The following BCHE variants were observed in gnomAD, a reference collection of about 807,000 sequenced individuals.
The protein encoded by BCHE is cholinesterase.
BCHE carries 48 observed loss-of-function variants against 51.3 expected under a neutral mutation model. The ratio of observed to expected loss-of-function variants is 0.94; its 90% CI spans 0.74 to 1.19. BCHE has a LOEUF of 1.19. Ranked by LOEUF, BCHE falls within the 50% of genes most tolerant of loss-of-function variation. The pLI, the probability that BCHE is intolerant of heterozygous loss-of-function variation, is 0.00. For missense variants in BCHE, 847 were observed against 708.2 expected, an observed-to-expected ratio of 1.20 and a Z score of -2.23; for synonymous variants, 251 against 238.0, an observed-to-expected ratio of 1.05 and a Z score of -0.50.
intron 1 of BCHE, 22 bp from the exon 2 acceptor site, chr3:165,831,063 T>C (rs1266810814): frequency 5.1e-6 from 8 of 1,576,904 alleles, no homozygotes; most frequent in Admixed American, 3.4e-5. Context: ...GTAAGTATAA[T>C]GTTTTATAAG....
At chr3:165,793,215 T>G (rs918643454) in intron 2 of BCHE, among the ~76,000 whole-genome samples, 1 of 152,164 alleles carries the variant, frequency 6.6e-6, no homozygotes, top group Admixed American at 6.5e-5. Flanking sequence ...TGTTACTCAA[T>G]TTACAAATTT....
intron 3 of BCHE, among the ~76,000 whole-genome samples, chr3:165,784,824 A>G (rs1712880564): frequency 6.6e-6 from 1 of 151,852 alleles, no homozygotes; most frequent in African/African-American, 2.4e-5. Flanking sequence ...ACCCTCTCAT[A>G]TAAAAATATT....
chr3:165,802,998 C>A (rs577814597), intron 2 of BCHE, among the ~76,000 whole-genome samples: 37 of 152,150 alleles, frequency 2.4e-4, no homozygotes, highest in African/African-American at 7.2e-4. Flanking sequence ...GCCTGCCTCC[C>A]AAAGTGCTGG....
At chr3:165,812,329 C>A (rs1223205383) in intron 2 of BCHE, among the ~76,000 whole-genome samples, 1 of 148,328 alleles carries the variant, frequency 6.7e-6, no homozygotes, top group Non-Finnish European at 1.5e-5. Context: ...TGTATTTTAT[C>A]AAATCTTTAT....
At chr3:165,803,459 T>A (rs1713745983) in intron 2 of BCHE, among the ~76,000 whole-genome samples, 1 of 152,196 alleles carries the variant, frequency 6.6e-6, no homozygotes, top group Non-Finnish European at 1.5e-5. Flanking sequence ...AGTCATATTC[T>A]TACTGAGCCA....
At chr3:165,810,199 C>G (rs1337611445) in intron 2 of BCHE, among the ~76,000 whole-genome samples, 2 of 152,092 alleles carry the variant, frequency 1.3e-5, no homozygotes, top group African/African-American at 4.8e-5. Context: ...TATCTGATAA[C>G]AAGTGTTAGT....
rs1315434856 is a variant in BCHE at position 165,830,112 on chromosome 3, C to A, written c.922G>T (p.Val308Phe). 4 of 1,613,832 alleles carry A rather than the reference C, an allele frequency of 2.5e-6. No individual in the cohort carries two copies. Among genetic ancestry groups the A allele is most frequent in the Non-Finnish European group, 3.4e-6 (4 of 1,179,898 alleles). Residue 308 changes from valine to phenylalanine, a missense_variant, in exon 2 of 4, where the codon GTC becomes TTC. Transcript: ENST00000264381. ...QEILLNEAFV[V>F]PYGTPLSVNF... is the part of the protein sequence containing the mutation. ...ACTGACAAAGGAGTCCCATAGGGGACAACAAATGCTTCATTCAGAAGAATT... is the reference window on the plus strand; with the variant it reads ...ACTGACAAAGGAGTCCCATAGGGGAAAACAAATGCTTCATTCAGAAGAATT...
chr3:165,828,411 A>G (rs1714810842), intron 2 of BCHE, among the ~76,000 whole-genome samples: 1 of 152,150 alleles, frequency 6.6e-6, no homozygotes, highest in Non-Finnish European at 1.5e-5. Context: ...AACTTTATCC[A>G]CAGTGAATAA....
At chr3:165,807,973 G>GT (rs200905474) in intron 2 of BCHE, among the ~76,000 whole-genome samples, 1,658 of 150,096 alleles carry the variant, frequency 0.011, 48 homozygotes, top group Admixed American at 0.07. Context: ...ATTGTTGCTT[G>GT]TTTTTTTTTG....
At chr3:165,799,208 T>G (rs1281992004) in intron 2 of BCHE, among the ~76,000 whole-genome samples, 5 of 152,200 alleles carry the variant, frequency 3.3e-5, no homozygotes. Context: ...AGCGTTGTGT[T>G]TCCTTCCAAA....
intron 3 of BCHE, among the ~76,000 whole-genome samples, chr3:165,783,981 C>T (rs2108200709): frequency 6.6e-6 from 1 of 152,040 alleles, no homozygotes; most frequent in African/African-American, 2.4e-5. Flanking sequence ...TATTTGAGAA[C>T]ATTTATTGCT....
chr3:165,823,217 T>G (rs773499331), intron 2 of BCHE, among the ~76,000 whole-genome samples: 1 of 152,138 alleles, frequency 6.6e-6, no homozygotes, highest in Non-Finnish European at 1.5e-5. Flanking sequence ...TAGCTCAAAA[T>G]AACCTTTAAT....
intron 2 of BCHE, among the ~76,000 whole-genome samples, chr3:165,794,682 T>C (rs1713302712): frequency 6.6e-6 from 1 of 152,246 alleles, no homozygotes; most frequent in African/African-American, 2.4e-5. Context: ...TACCATCACA[T>C]TGGGAGTTAG....
At chr3:165,815,885 G>C (rs1047950840) in intron 2 of BCHE, among the ~76,000 whole-genome samples, 8 of 151,842 alleles carry the variant, frequency 5.3e-5, no homozygotes, top group African/African-American at 1.9e-4. Context: ...CTTATACCAG[G>C]TTGCTTATGA....
At chr3:165,822,654 A>G (rs2108229518) in intron 2 of BCHE, among the ~76,000 whole-genome samples, 1 of 152,196 alleles carries the variant, frequency 6.6e-6, no homozygotes, top group South Asian at 2.1e-4. Context: ...GAGATTTTAC[A>G]CTGAAGAAGC....
At chr3:165,807,521 T>G (rs1447547639) in intron 2 of BCHE, among the ~76,000 whole-genome samples, 1 of 147,418 alleles carries the variant, frequency 6.8e-6, no homozygotes, top group Non-Finnish European at 1.5e-5. Context: ...TTATGAGATT[T>G]ATTTATTTAT....
chr3:165,835,980 T>C (rs537109998), intron 1 of BCHE, among the ~76,000 whole-genome samples: 1 of 152,016 alleles, frequency 6.6e-6, no homozygotes, highest in Non-Finnish European at 1.5e-5. Flanking sequence ...AATGTAAATA[T>C]ATATTATACT....
chr3:165,821,557 G>T, intron 2 of BCHE, among the ~76,000 whole-genome samples: 1 of 151,768 alleles, frequency 6.6e-6, no homozygotes, highest in South Asian at 2.1e-4. Flanking sequence ...CAAATTAAAT[G>T]CTAAATATTA....
intron 2 of BCHE, among the ~76,000 whole-genome samples, chr3:165,819,127 G>A (rs1054843895): frequency 1.4e-5 from 2 of 141,294 alleles, no homozygotes; most frequent in African/African-American, 5.3e-5. Context: ...TGCCCAGGCT[G>A]GAGTGCACTG....
Sources: allele counts gnomAD v4.1 joint callset (sites outside exome capture counted in the v4.1 genomes callset), GRCh38; gene constraint gnomAD v4.1.1; transcripts MANE v1.5; gene names NCBI Gene and HGNC (gene_info 2026-07-23, HGNC 2026-07-21).